Variants in GNAO1 observed in about 807,000 individuals in gnomAD.
The protein encoded by GNAO1 is guanine nucleotide-binding protein G(o) subunit alpha.
For synonymous variants in GNAO1, 164 were observed against 180.7 expected, an observed-to-expected ratio of 0.91 and a Z score of 0.74; for missense variants, 166 against 478.7, an observed-to-expected ratio of 0.35 and a Z score of 6.10.
At chr16:56,346,092 T>G (rs2037865418) in intron 6 of GNAO1, 6 of 985,634 alleles carry the variant, frequency 6.1e-6, no homozygotes, top group Non-Finnish European at 7.2e-6. Flanking sequence ...TCTCTTCCTT[T>G]GGATGCTCCA....
intron 5 of GNAO1, among the ~76,000 whole-genome samples, chr16:56,336,002 C>G (rs2037736643): frequency 6.6e-6 from 1 of 152,208 alleles, no homozygotes; most frequent in Non-Finnish European, 1.5e-5. Context: ...TGTGTGTCAG[C>G]AGGCATCCCA....
intron 2 of GNAO1, among the ~76,000 whole-genome samples, chr16:56,199,157 T>A (rs2036259661): frequency 6.6e-6 from 1 of 152,236 alleles, no homozygotes; most frequent in Non-Finnish European, 1.5e-5. Flanking sequence ...AAGCATGAAT[T>A]ATGGTTTTAT....
chr16:56,286,584 T>G (rs1378381167), intron 3 of GNAO1, among the ~76,000 whole-genome samples: 5 of 152,092 alleles, frequency 3.3e-5, no homozygotes, highest in Non-Finnish European at 7.4e-5. Flanking sequence ...AGTCATCACT[T>G]GTAACCTTGT....
intron 2 of GNAO1, among the ~76,000 whole-genome samples, chr16:56,249,244 G>A (rs142497894): frequency 1.3e-5 from 2 of 152,258 alleles, no homozygotes; most frequent in South Asian, 2.1e-4. Context: ...TACATGGAAT[G>A]GGGGGGAACA....
intron 3 of GNAO1, among the ~76,000 whole-genome samples, chr16:56,278,953 C>T (rs2037089454): frequency 6.6e-6 from 1 of 152,150 alleles, no homozygotes; most frequent in Non-Finnish European, 1.5e-5. Flanking sequence ...CCACTCTCCA[C>T]CTAGGGGATC....
At chr16:56,276,783 C>T (rs2037064750) in intron 3 of GNAO1, 1 of 152,166 alleles carries the variant, frequency 6.6e-6, no homozygotes, top group Non-Finnish European at 1.5e-5. Flanking sequence ...GAGAAAATAG[C>T]CTCAGAATTC....
At chr16:56,275,569 G>C (rs1258852554) in intron 2 of GNAO1, among the ~76,000 whole-genome samples, 1 of 152,126 alleles carries the variant, frequency 6.6e-6, no homozygotes, top group Non-Finnish European at 1.5e-5. Flanking sequence ...ATGCCTCTGG[G>C]TGTACACCTA....
At chr16:56,344,547 G>T in intron 6 of GNAO1, 1 of 986,938 alleles carries the variant, frequency 1.0e-6, no homozygotes, top group Non-Finnish European at 1.2e-6. Context: ...ATCCTCCCTT[G>T]CCTTTGCTCT....
chr16:56,275,702 C>G (rs1483469264), intron 2 of GNAO1, among the ~76,000 whole-genome samples: 1 of 152,180 alleles, frequency 6.6e-6, no homozygotes, highest in Non-Finnish European at 1.5e-5. Flanking sequence ...ATTTTTCTTT[C>G]ATTATGTAGG....
intron 3 of GNAO1, among the ~76,000 whole-genome samples, chr16:56,283,781 A>T (rs551528534): frequency 7.6e-4 from 115 of 152,300 alleles, no homozygotes; most frequent in African/African-American, 2.7e-3. Flanking sequence ...GATGTGTCCC[A>T]TGCTGGGTGC....
intron 2 of GNAO1, among the ~76,000 whole-genome samples, chr16:56,250,167 T>C (rs1178280885): frequency 2.0e-5 from 3 of 152,200 alleles, no homozygotes; most frequent in Non-Finnish European, 4.4e-5. Flanking sequence ...ATACAAGGTA[T>C]GTCCCTCAGA....
chr16:56,334,703 A>C (rs780269126), intron 4 of GNAO1, 26 bp from the exon 5 acceptor site: 1 of 1,613,294 alleles, frequency 6.2e-7, no homozygotes, highest in Admixed American at 1.7e-5. Flanking sequence ...TTTGGTCCAT[A>C]GTCCCCTGTT....
chr16:56,333,400 T>C (rs756851083), intron 4 of GNAO1, among the ~76,000 whole-genome samples: 10 of 152,034 alleles, frequency 6.6e-5, no homozygotes, highest in Non-Finnish European at 1.2e-4. Flanking sequence ...TTAGTAGAGA[T>C]GGGGTTTCAC....
intron 2 of GNAO1, among the ~76,000 whole-genome samples, chr16:56,240,501 A>G (rs1430774716): frequency 6.6e-6 from 1 of 152,108 alleles, no homozygotes; most frequent in Non-Finnish European, 1.5e-5. Flanking sequence ...TAATGCTTTT[A>G]TTGAGTGGTG....
intron 2 of GNAO1, among the ~76,000 whole-genome samples, chr16:56,267,266 C>T (rs2036963965): frequency 1.3e-5 from 2 of 152,160 alleles, no homozygotes; most frequent in Admixed American, 1.3e-4. Context: ...CTCAACCAGG[C>T]GGTGTTGGTG....
chr16:56,284,336 C>G (rs1382603599), intron 3 of GNAO1, among the ~76,000 whole-genome samples: 2 of 152,174 alleles, frequency 1.3e-5, no homozygotes, highest in African/African-American at 4.8e-5. Flanking sequence ...TGATCCAAGG[C>G]TGGATCGGGC....
chr16:56,345,112 C>A (rs950211747), intron 6 of GNAO1: 7 of 985,504 alleles, frequency 7.1e-6, no homozygotes, highest in Non-Finnish European at 8.4e-6. Context: ...GGCTTCACTG[C>A]GGAGATCCCT....
rs28496926 is a variant in GNAO1, at chr16:56,328,600, G to A, written c.304-31G>A. 2,488 of 1,607,924 alleles carry A rather than the reference G, an allele frequency of 1.5e-3. 35 individuals are homozygous for A. The African/African-American group carries it at 0.029, about 19-fold the overall frequency. On this transcript the variant is annotated intron_variant, in intron 3 of 8. Transcript: ENST00000262493. ...AGAGGTCTTCTGTCCCCACCAAAGCGTCAAAGCCCACCATCCACCTCTCCT... is the reference window on the plus strand; with the variant it reads ...AGAGGTCTTCTGTCCCCACCAAAGCATCAAAGCCCACCATCCACCTCTCCT...
intron 2 of GNAO1, among the ~76,000 whole-genome samples, chr16:56,199,036 G>A (rs8047346): frequency 0.63 from 96,092 of 152,108 alleles, 30,787 homozygotes; most frequent in African/African-American, 0.72. Context: ...CCGAGGGCTC[G>A]GTTTCCTGAA....
Sources: allele counts gnomAD v4.1 joint callset (sites outside exome capture counted in the v4.1 genomes callset), GRCh38; gene constraint gnomAD v4.1.1; transcripts MANE v1.5; gene names NCBI Gene and HGNC (gene_info 2026-07-23, HGNC 2026-07-21).